Variants in CHD9 observed in about 807,000 individuals in gnomAD.
The protein encoded by CHD9 is chromodomain helicase DNA binding protein 9, also known as ATP-dependent chromatin remodeler CHD9.
CHD9 carries 77 observed loss-of-function variants against 316.1 expected under a neutral mutation model. The observed-to-expected ratio is 0.24, with a 90% confidence interval of 0.20 to 0.29. The LOEUF (loss-of-function observed/expected upper bound fraction) is 0.29. CHD9 is among the 10% of genes least tolerant of loss of function. The pLI, the probability that CHD9 is intolerant of heterozygous loss-of-function variation, is 1.00. For synonymous variants in CHD9, 1,129 were observed against 1,158.3 expected (o/e 0.97, Z 0.51); for missense variants, 2,763 against 3,438.1 (o/e 0.80, Z 4.91).
chr16:53,321,247 A>G (rs898160157), intron 37 of CHD9: 14 of 1,344,576 alleles, frequency 1.0e-5, no homozygotes, highest in Middle Eastern at 2.0e-4. Flanking sequence ...GTGTACTTTT[A>G]ACTAGGCTAT....
chr16:53,317,319 T>C (rs2056962005), intron 36 of CHD9, among the ~76,000 whole-genome samples: 1 of 152,182 alleles, frequency 6.6e-6, no homozygotes, highest in Non-Finnish European at 1.5e-5. Context: ...CAGGCCATGA[T>C]GGGACTGGTA....
At chr16:53,307,632 G>T (rs754219000) in intron 32 of CHD9, 49 bp from the exon 33 acceptor site, 13 of 1,507,512 alleles carry the variant, frequency 8.6e-6, no homozygotes, top group Non-Finnish European at 1.2e-5. Context: ...ATCTCCAAAG[G>T]TCTGATCTAA....
At chr16:53,159,534 T>C (rs1265401940) in intron 2 of CHD9, among the ~76,000 whole-genome samples, 1 of 152,220 alleles carries the variant, frequency 6.6e-6, no homozygotes, top group Non-Finnish European at 1.5e-5. Flanking sequence ...TAGGGATCCA[T>C]TTTTCATTTT....
chr16:53,245,751 T>C lies in CHD9; in HGVS notation c.3355T>C (p.Ser1119Pro). ...YYRAILEKNF[S>P]FLSKGAGQTN... Reference sequence around the variant, plus strand: ...CCGGGCTATCTTGGAAAAGAACTTTTCTTTTTTATCCAAAGGAGCAGGACA... The same window carrying C: ...CCGGGCTATCTTGGAAAAGAACTTTCCTTTTTTATCCAAAGGAGCAGGACA... Residue 1119 changes from serine (S) to proline (P), a missense_variant, in exon 15 of 39, where the codon TCT becomes CCT. Transcript: ENST00000447540. This position sits in a 1 kb window ranked among gnomAD's most constrained non-coding sequence, Gnocchi z 4.1. The C allele has an allele frequency of 6.2e-7, 1 of 1,611,518 alleles. No homozygotes were observed. Among genetic ancestry groups the C allele is most frequent in the South Asian group, 1.1e-5 (1 of 90,410 alleles).
intron 2 of CHD9, among the ~76,000 whole-genome samples, chr16:53,172,829 G>T (rs2152786426): frequency 6.6e-6 from 1 of 152,170 alleles, no homozygotes; most frequent in South Asian, 2.1e-4. Context: ...ATCCTTTGGT[G>T]AAGTCCCTGA....
Position 53,247,253 on chromosome 16 carries a change from A to G in CHD9, c.3455-40A>G, listed in dbSNP as rs372210452. ...AGGAAAGCAATTGGGAATTTCCTGC[A>G]TTTGCACATTGCTGTTATCTTCTCC... On this transcript the variant is annotated intron_variant, in intron 15 of 38. Transcript: ENST00000447540. 6.2e-5 allele frequency: 88 copies of G among 1,418,518 alleles called. No homozygotes were observed. In the African/African-American group the frequency reaches 1.2e-3, roughly 19 times the overall value. 87.9% of individuals were successfully genotyped at this position (1,418,518 alleles called of 1,614,324 possible). A position where few individuals can be genotyped will look rare whatever the true frequency, so the allele number is the denominator to read the frequency against.
Position 53,263,036 on chromosome 16 carries a change from C to A in CHD9, c.4259C>A (p.Pro1420His). 1 of 1,612,466 alleles carries A rather than the reference C, an allele frequency of 6.2e-7. No individual in the cohort carries two copies. The highest frequency in any genetic ancestry group is 1.1e-5 in the South Asian group (1 of 90,874). ...GNRTDISLDD[P>H]NFWQKWAKKA... ...CGGACAGATATTTCTTTAGATGATC[C>A]CAACTTCTGGCAAAAATGGGCTAAA... The change falls in exon 20 of 39, where the codon CCC (proline) becomes CAC (histidine). Residue 1420 changes from proline to histidine, a missense_variant. Pro to His is a moderately conservative substitution (Grantham distance 77). Transcript: ENST00000447540.
chr16:53,198,971 T>G (rs927904489), intron 2 of CHD9, among the ~76,000 whole-genome samples: 1 of 152,174 alleles, frequency 6.6e-6, no homozygotes, highest in Non-Finnish European at 1.5e-5. Context: ...AATTGGAATT[T>G]GCATTTGAAT....
At chr16:53,072,121 C>G (rs769461163) in intron 1 of CHD9, among the ~76,000 whole-genome samples, 7 of 152,070 alleles carry the variant, frequency 4.6e-5, no homozygotes, top group Non-Finnish European at 8.8e-5. Context: ...TTTCTTCTTT[C>G]TACCTCCTAC....
chr16:53,279,299 G>A (rs866463474), intron 24 of CHD9, among the ~76,000 whole-genome samples: 10 of 150,810 alleles, frequency 6.6e-5, no homozygotes, highest in Non-Finnish European at 8.8e-5. Context: ...TCATAGGTAG[G>A]AATTGAACAA....
At chr16:53,061,942 G>T (rs539154618) in intron 1 of CHD9, among the ~76,000 whole-genome samples, 1 of 152,336 alleles carries the variant, frequency 6.6e-6, no homozygotes, top group Admixed American at 6.5e-5. Context: ...CACAGAGAGA[G>T]ACATGGTACC....
chr16:53,165,599 CTT>C (rs1281172576), intron 2 of CHD9, among the ~76,000 whole-genome samples: 4 of 152,184 alleles, frequency 2.6e-5, no homozygotes, highest in African/African-American at 9.6e-5. Flanking sequence ...ATTACCCTAA[CTT>C]AATGTATTCG....
chr16:53,144,235 T>C (rs2040380154), intron 1 of CHD9, among the ~76,000 whole-genome samples: 1 of 152,164 alleles, frequency 6.6e-6, no homozygotes, highest in South Asian at 2.1e-4. Flanking sequence ...TATGAAGTTT[T>C]AAAATTTCTG....
chr16:53,319,860 C>T (rs998794684), intron 37 of CHD9: 53 of 1,241,246 alleles, frequency 4.3e-5, no homozygotes, highest in Non-Finnish European at 5.4e-5. Flanking sequence ...CCTGCTAAAT[C>T]CCCATAAACC....
At chr16:53,195,020 C>T (rs1352841479) in intron 2 of CHD9, among the ~76,000 whole-genome samples, 2 of 152,182 alleles carry the variant, frequency 1.3e-5, no homozygotes, top group Non-Finnish European at 2.9e-5. Context: ...GATAAGATTA[C>T]AAAATGTTCT....
chr16:53,079,985 AC>A (rs2034877822), intron 1 of CHD9, among the ~76,000 whole-genome samples: 1 of 152,094 alleles, frequency 6.6e-6, no homozygotes, highest in African/African-American at 2.4e-5. Context: ...GGGCATGGGG[AC>A]CTCCTGAATT....
At chr16:53,182,592 T>C (rs1205420857) in intron 2 of CHD9, among the ~76,000 whole-genome samples, 5 of 152,198 alleles carry the variant, frequency 3.3e-5, no homozygotes, top group Non-Finnish European at 1.5e-5. Context: ...ATTTTTGTTA[T>C]TTCAATAGTA....
At chr16:53,086,728 A>C (rs561731493) in intron 1 of CHD9, among the ~76,000 whole-genome samples, 15 of 152,340 alleles carry the variant, frequency 9.8e-5, no homozygotes, top group Non-Finnish European at 1.9e-4. Flanking sequence ...CAAAAATTTC[A>C]AATAAATGCT....
chr16:53,146,864 T>A (rs2040675326), intron 1 of CHD9, among the ~76,000 whole-genome samples: 1 of 152,032 alleles, frequency 6.6e-6, no homozygotes. Flanking sequence ...AAAAGGTTTT[T>A]TAATGGGCCA....
Sources: allele counts gnomAD v4.1 joint callset (sites outside exome capture counted in the v4.1 genomes callset), GRCh38; gene constraint gnomAD v4.1.1; non-coding constraint Gnocchi (gnomAD v3.1); transcripts MANE v1.5; gene names NCBI Gene and HGNC (gene_info 2026-07-23, HGNC 2026-07-21).